RNF43: variants seen among roughly 807,000 people sequenced by gnomAD.
RNF43 encodes the protein ring finger protein 43, also known as E3 ubiquitin-protein ligase RNF43.
Under a neutral mutation model 78.4 loss-of-function variants are expected in RNF43, and 37 were observed. The observed-to-expected ratio is 0.47, with a 90% confidence interval of 0.36 to 0.62. The LOEUF is 0.62. Ranked by LOEUF, RNF43 falls within the 20% of genes least tolerant of loss-of-function variation. RNF43 has a pLI of 0.00. For missense variants in RNF43, 774 were observed against 1,007.9 expected (o/e 0.77, Z 3.14); for synonymous variants, 347 against 395.0 (o/e 0.88, Z 1.44).
At chr17:58,416,536 T>C (rs1974128805) in intron 1 of RNF43, 2 of 152,236 alleles carry the variant, frequency 1.3e-5, no homozygotes, top group Admixed American at 6.5e-5. Flanking sequence ...GCACTTTGAT[T>C]TCCCATGAGA....
At chr17:58,374,783 G>A (rs1211242602) in intron 2 of RNF43, among the ~76,000 whole-genome samples, 3 of 152,112 alleles carry the variant, frequency 2.0e-5, no homozygotes, top group East Asian at 3.8e-4. Flanking sequence ...CATATGTACA[G>A]TTTGGTCTTC....
At chr17:58,371,701 GC>G (rs1973100749) in intron 2 of RNF43, among the ~76,000 whole-genome samples, 1 of 152,218 alleles carries the variant, frequency 6.6e-6, no homozygotes, top group African/African-American at 2.4e-5. Flanking sequence ...TAAGACATAA[GC>G]TTTGACAGCT....
At chr17:58,414,819 C>G (rs1974091637) in intron 2 of RNF43, among the ~76,000 whole-genome samples, 1 of 152,138 alleles carries the variant, frequency 6.6e-6, no homozygotes, top group East Asian at 1.9e-4. Context: ...AATAGGGTGC[C>G]ACACGTGGTG....
intron 3 of RNF43, among the ~76,000 whole-genome samples, chr17:58,367,062 G>A (rs1374223112): frequency 1.3e-5 from 2 of 150,280 alleles, no homozygotes; most frequent in Non-Finnish European, 3.0e-5. Context: ...GGTGTGTGGT[G>A]TGATCTCGGC....
chr17:58,369,095 A>ACACG (rs1555633850), intron 3 of RNF43, among the ~76,000 whole-genome samples: 5 of 149,856 alleles, frequency 3.3e-5, no homozygotes, highest in African/African-American at 1.0e-4. Flanking sequence ...ACACACACGC[A>ACACG]CACACACACA....
chr17:58,354,136 C>T lies in RNF43; in HGVS notation c.*807G>A. On this transcript the variant is annotated 3_prime_UTR_variant, in exon 10 of 10. Transcript: ENST00000407977. ...AGAAGAACTCTTTGTTGTCCCCGCT[C>T]AGCTGTAATTCTGCCTTTTCTACCT... 5.0e-6 allele frequency: 1 copy of T among 201,146 alleles called. No homozygotes were observed. Among genetic ancestry groups the T allele is most frequent in the East Asian group, 7.7e-5 (1 of 12,932 alleles). 12.5% of individuals were successfully genotyped at this position (201,146 alleles called of 1,614,324 possible).
intron 6 of RNF43, among the ~76,000 whole-genome samples, chr17:58,362,042 C>T (rs1007072135): frequency 4.6e-5 from 7 of 151,908 alleles, no homozygotes; most frequent in African/African-American, 1.7e-4. Context: ...GCCGAGATCA[C>T]GCCACTGCAT....
chr17:58,361,533 C>CT (rs1972834275), intron 6 of RNF43, among the ~76,000 whole-genome samples: 1 of 152,234 alleles, frequency 6.6e-6, no homozygotes, highest in Non-Finnish European at 1.5e-5. Context: ...GATGGTTTCT[C>CT]TGTTTCCAGC....
intron 2 of RNF43, among the ~76,000 whole-genome samples, chr17:58,411,415 A>G (rs1974022340): frequency 6.6e-6 from 1 of 152,088 alleles, no homozygotes; most frequent in Non-Finnish European, 1.5e-5. Flanking sequence ...GGTCCTGCCT[A>G]CAAATAATGT....
Position 58,361,745 on chromosome 17 carries a change from T to C in RNF43, c.687+799A>G, listed in dbSNP as rs1972837858. Among the ~76,000 whole-genome samples the C allele has an allele frequency of 3.3e-5, 5 of 152,150 alleles. No individual in the cohort carries two copies. In the South Asian group the frequency reaches 1.0e-3, roughly 32 times the overall value. The stretch of plus-strand genomic sequence containing the variant: ...TCTCACTCTGTTCCAGCCACAGCCT[T>C]CATGCTGTTCCTCAGATACACTAGA... On this transcript the variant is annotated intron_variant, in intron 6 of 9. Transcript: ENST00000407977.
At chr17:58,371,065 G>A (rs1315290747) in intron 2 of RNF43, 32 bp from the exon 3 acceptor site, 2 of 1,531,992 alleles carry the variant, frequency 1.3e-6, no homozygotes, top group South Asian at 2.5e-5. Context: ...GGTTAGGGAG[G>A]CTTTAGGCAG....
chr17:58,395,536 C>T (rs1973662133), intron 2 of RNF43, among the ~76,000 whole-genome samples: 1 of 152,056 alleles, frequency 6.6e-6, no homozygotes, highest in Non-Finnish European at 1.5e-5. Context: ...ATTATTATGG[C>T]AATTTAATCA....
rs1227849657 is a variant in RNF43, at chr17:58,354,620, A to G, written c.*323T>C. 2.3e-6 allele frequency: 1 copy of G among 436,874 alleles called. No homozygotes were observed. The highest frequency in any genetic ancestry group is 4.3e-6 in the Non-Finnish European group (1 of 233,194). 27.1% of individuals were successfully genotyped at this position (436,874 alleles called of 1,614,324 possible). On this transcript the variant is annotated 3_prime_UTR_variant, in exon 10 of 10. Coordinates refer to ENST00000407977, the MANE Select transcript of RNF43 (RefSeq NM_017763.6). ...AGCAGCACCTTTGTAACACCTGGCT[A>G]CCCATAGCTAGCTTTCTGCCCTCAA...
In RNF43 at chr17:58,415,530, C is replaced by G. The variant is rs923906868; in HGVS notation, c.48G>C (p.Leu16=). 4.3e-6 allele frequency: 7 copies of G among 1,611,504 alleles called. No homozygotes were observed. The highest frequency in any genetic ancestry group is 8.5e-7 in the Non-Finnish European group (1 of 1,180,026). The change falls in exon 2 of 10, where the codon CTG becomes CTC. Residue 16 remains leucine, a synonymous_variant. Transcript: ENST00000407977. ...QLQLAALWPW[L]LMATLQAGFG... ...AGCCTGCCTGCAGGGTAGCCATCAGCAGCCAGGGCCAGAGGGCAGCCAGCT... is the reference window on the plus strand; with the variant it reads ...AGCCTGCCTGCAGGGTAGCCATCAGGAGCCAGGGCCAGAGGGCAGCCAGCT...
At chr17:58,379,106 C>T (rs984479521) in intron 2 of RNF43, among the ~76,000 whole-genome samples, 2 of 152,114 alleles carry the variant, frequency 1.3e-5, no homozygotes, top group African/African-American at 4.8e-5. Flanking sequence ...GGTTGAGGTC[C>T]CCTAAATTCA....
Position 58,360,801 on chromosome 17 carries a change from C to G in RNF43, c.831G>C (p.Glu277Asp). 6.2e-7 allele frequency: 1 copy of G among 1,612,624 alleles called. No homozygotes were observed. The highest frequency in any genetic ancestry group is 8.5e-7 in the Non-Finnish European group (1 of 1,179,306). Residue 277 changes from glutamate (E) to aspartate (D), a missense_variant, in exon 7 of 10, where the codon GAG (glutamate) becomes GAC (aspartate). Coordinates refer to ENST00000407977, the MANE Select transcript of RNF43 (RefSeq NM_017763.6). The surrounding 1 kb of genome is among the most constrained non-coding windows in gnomAD (Gnocchi z 4.3). The part of the protein sequence containing the change: ...SSAPVCAICL[E>D]EFSEGQELRV... Reference sequence around the variant, plus strand: ...GCCTTACCTGCCCCTCAGAGAACTCCTCCAGACAGATGGCACACACAGGGG... The same window carrying G: ...GCCTTACCTGCCCCTCAGAGAACTCGTCCAGACAGATGGCACACACAGGGG...
intron 2 of RNF43, among the ~76,000 whole-genome samples, chr17:58,398,516 A>C (rs1269084604): frequency 6.6e-6 from 1 of 152,232 alleles, no homozygotes; most frequent in South Asian, 2.1e-4. Flanking sequence ...GGTAAGGTAC[A>C]GAATAGGAAG....
At chr17:58,386,808 G>A (rs745454602) in intron 2 of RNF43, among the ~76,000 whole-genome samples, 31 of 151,800 alleles carry the variant, frequency 2.0e-4, no homozygotes, top group Non-Finnish European at 3.8e-4. Context: ...TTCACCTTTT[G>A]CTTTATATTC....
intron 2 of RNF43, among the ~76,000 whole-genome samples, chr17:58,372,190 T>C (rs574759005): frequency 1.3e-5 from 2 of 152,330 alleles, no homozygotes; most frequent in Admixed American, 6.5e-5. Flanking sequence ...ATAATGTCAA[T>C]GATGGATTTA....
Sources: allele counts gnomAD v4.1 joint callset (sites outside exome capture counted in the v4.1 genomes callset), GRCh38; gene constraint gnomAD v4.1.1; non-coding constraint Gnocchi (gnomAD v3.1); transcripts MANE v1.5; gene names NCBI Gene and HGNC (gene_info 2026-07-23, HGNC 2026-07-21).